Variants in CUX1 observed in about 807,000 individuals in gnomAD.
CUX1 encodes cut like homeobox 1.
A neutral mutation model predicts 158.8 loss-of-function variants in CUX1; 31 were observed. The ratio of observed to expected loss-of-function variants is 0.20; its 90% CI spans 0.15 to 0.26. The LOEUF is 0.26. Among genes scored for constraint, CUX1 ranks in the 10% least tolerant of loss-of-function variants. The pLI is 1.00. For synonymous variants in CUX1, 879 were observed against 862.1 expected (o/e 1.02, Z -0.34); for missense variants, 1,589 against 2,014.6 (o/e 0.79, Z 4.04).
At chr7:102,124,066 A>G (rs1223021424) in intron 8 of CUX1, among the ~76,000 whole-genome samples, 2 of 152,220 alleles carry the variant, frequency 1.3e-5, no homozygotes, top group South Asian at 2.1e-4. Context: ...GATTTTACCT[A>G]TTTAAGAGAT....
intron 3 of CUX1, among the ~76,000 whole-genome samples, chr7:102,028,566 G>C (rs1415777005): frequency 6.6e-6 from 1 of 152,198 alleles, no homozygotes; most frequent in Non-Finnish European, 1.5e-5. Flanking sequence ...GCACAGGGAG[G>C]CCACTTGATC....
chr7:101,891,101 C>T (rs1346989316), intron 1 of CUX1, among the ~76,000 whole-genome samples: 2 of 152,126 alleles, frequency 1.3e-5, no homozygotes, highest in Admixed American at 6.5e-5. Flanking sequence ...TTCTCAAAGA[C>T]GTTTAACCAC....
At chr7:102,123,703 C>G (rs1366333445) in intron 8 of CUX1, among the ~76,000 whole-genome samples, 3 of 151,872 alleles carry the variant, frequency 2.0e-5, no homozygotes, top group African/African-American at 7.3e-5. Context: ...CACTCTGTCA[C>G]CCAGGCTAGA....
chr7:102,045,399 C>T (rs1347734463), intron 3 of CUX1, among the ~76,000 whole-genome samples: 2 of 152,238 alleles, frequency 1.3e-5, no homozygotes, highest in African/African-American at 2.4e-5. Context: ...CACGGCCGCC[C>T]GCCCGGCGCT....
At chr7:102,063,832 T>C (rs1021707175) in intron 3 of CUX1, among the ~76,000 whole-genome samples, 5 of 152,176 alleles carry the variant, frequency 3.3e-5, no homozygotes, top group Admixed American at 2.0e-4. Flanking sequence ...GTGCCCGTGG[T>C]CGGGAGGAAA....
At chr7:102,230,674 C>T (rs1372209652) in intron 21 of CUX1, among the ~76,000 whole-genome samples, 1 of 151,928 alleles carries the variant, frequency 6.6e-6, no homozygotes, top group Non-Finnish European at 1.5e-5. Context: ...ATAATTAAGT[C>T]AATTCATAAA....
intron 22 of CUX1, among the ~76,000 whole-genome samples, chr7:102,237,595 T>G (rs1372354804): frequency 6.6e-6 from 1 of 152,140 alleles, no homozygotes; most frequent in Non-Finnish European, 1.5e-5. Flanking sequence ...TCCTTCAGGA[T>G]TCAGTTTAAA....
chr7:102,069,252 T>A (rs898245307), intron 3 of CUX1, among the ~76,000 whole-genome samples: 1 of 152,178 alleles, frequency 6.6e-6, no homozygotes, highest in Non-Finnish European at 1.5e-5. Flanking sequence ...CCCTGCACCA[T>A]GCACCCTTGT....
chr7:102,077,917 A>G (rs1175698898), intron 4 of CUX1, among the ~76,000 whole-genome samples: 2 of 151,780 alleles, frequency 1.3e-5, no homozygotes, highest in African/African-American at 4.8e-5. Flanking sequence ...TTATTTCTAC[A>G]ATGGTGGAGA....
rs1322739427 is a variant in CUX1, at chr7:102,257,361, T to A, written c.*8319T>A. ...CTATGCATTTCTCTCTCTCAAACCA[T>A]CTTCTGCCTCTTCCCTTGAGAAAAC... On this transcript the variant is annotated 3_prime_UTR_variant, in exon 24 of 24. Transcript: ENST00000292535. 1.1e-5 allele frequency: 11 copies of A among 984,206 alleles called. No individual in the cohort carries two copies. In the African/African-American group the frequency reaches 1.9e-4, roughly 17 times the overall value. 61.0% of individuals were successfully genotyped at this position (984,206 alleles called of 1,614,324 possible). A position where few individuals can be genotyped will look rare whatever the true frequency, so the allele number is the denominator to read the frequency against.
At chr7:101,858,543 A>G (rs1295853445) in intron 1 of CUX1, among the ~76,000 whole-genome samples, 2 of 152,150 alleles carry the variant, frequency 1.3e-5, no homozygotes, top group Non-Finnish European at 2.9e-5. Context: ...TCTGAAAACA[A>G]TGACTTTGTT....
chr7:101,859,632 A>G (rs544865648), intron 1 of CUX1, among the ~76,000 whole-genome samples: 31 of 152,146 alleles, frequency 2.0e-4, no homozygotes, highest in Admixed American at 5.2e-4. Context: ...TTTTGCCAGA[A>G]TGCTGATTTA....
intron 6 of CUX1, among the ~76,000 whole-genome samples, chr7:102,109,425 A>T (rs1183475409): frequency 6.6e-6 from 1 of 152,190 alleles, no homozygotes; most frequent in African/African-American, 2.4e-5. Flanking sequence ...ACACACTTAC[A>T]TATTGTTGGT....
rs781909427 is a variant in CUX1, at chr7:102,201,601, C to T, written c.2304C>T (p.Ser768=). Residue 768 remains serine, a synonymous_variant, in exon 18 of 24, where the codon TCC becomes TCT. Coordinates refer to ENST00000292535, the MANE Select transcript of CUX1 (RefSeq NM_181552.4). This position sits in a 1 kb window ranked among gnomAD's most constrained non-coding sequence, Gnocchi z 5.0. ...PPLAISLKKP[S]AAPEAGASAL... ...TCGCCATCTCCCTGAAGAAGCCCTC[C>T]GCAGCTCCTGAGGCCGGTGCCTCTG... The T allele has an allele frequency of 1.7e-5, 28 of 1,613,926 alleles. No individual in the cohort carries two copies. The highest frequency in any genetic ancestry group is 4.4e-5 in the South Asian group (4 of 91,088).
rs572411339 is a variant in CUX1, at chr7:102,028,280, A to G, written c.189+135A>G. ...TTCCCGGCTGCTCCGACCCAGCGTC[A>G]TGCAGATTTTGCGCTCTGTGATGTG... On this transcript the variant is annotated intron_variant, in intron 3 of 23. Transcript: ENST00000292535. The G allele has an allele frequency of 3.4e-5, 29 of 857,502 alleles. No homozygotes were observed. In the African/African-American group the frequency reaches 3.9e-4, roughly 12 times the overall value. 53.1% of individuals were successfully genotyped at this position (857,502 alleles called of 1,614,324 possible).
intron 7 of CUX1, among the ~76,000 whole-genome samples, chr7:102,114,035 T>A (rs1396046696): frequency 6.6e-6 from 1 of 152,116 alleles, no homozygotes. Context: ...GCCCAAGCTG[T>A]TCAGCCAGCA....
intron 5 of CUX1, among the ~76,000 whole-genome samples, chr7:102,104,057 C>G (rs1830076337): frequency 6.6e-6 from 1 of 152,034 alleles, no homozygotes; most frequent in Non-Finnish European, 1.5e-5. Flanking sequence ...TTTCCATCTC[C>G]CCCCACCCTT....
intron 20 of CUX1, among the ~76,000 whole-genome samples, chr7:102,222,843 A>T (rs1554527508): frequency 6.2e-5 from 1 of 16,208 alleles, no homozygotes; most frequent in Non-Finnish European, 1.1e-4. Flanking sequence ...TTTTTGAGAC[A>T]GAGTCTCACT....
intron 1 of CUX1, among the ~76,000 whole-genome samples, chr7:101,849,848 C>T (rs1047822878): frequency 1.3e-5 from 2 of 150,184 alleles, no homozygotes; most frequent in Non-Finnish European, 3.0e-5. Flanking sequence ...GCATCTGTTA[C>T]TTTTTGACTT....
Sources: gnomAD v4.1 joint callset for allele counts (sites outside exome capture counted in the v4.1 genomes callset) on GRCh38, gnomAD v4.1.1 for gene constraint, Gnocchi (gnomAD v3.1) non-coding constraint, MANE v1.5 for transcripts, NCBI Gene and HGNC (gene_info 2026-07-23, HGNC 2026-07-21) for gene names.